The following MAPK10 variants were observed in gnomAD, a reference collection of about 807,000 sequenced individuals.
The protein encoded by MAPK10 is JNK3 alpha protein kinase.
In MAPK10, 25 loss-of-function variants were observed where a neutral mutation model predicts 59.3. The ratio of observed to expected loss-of-function variants is 0.42; its 90% CI spans 0.31 to 0.59. The LOEUF is 0.59. Ranked by LOEUF, MAPK10 falls within the 20% of genes least tolerant of loss-of-function variation. MAPK10 has a pLI of 0.15. For missense variants in MAPK10, 351 were observed against 568.9 expected (o/e 0.62, Z 3.90); for synonymous variants, 190 against 200.5 (o/e 0.95, Z 0.44).
intron 2 of MAPK10, among the ~76,000 whole-genome samples, chr4:86,296,021 T>C (rs1289972912): frequency 6.6e-6 from 1 of 150,628 alleles, no homozygotes; most frequent in Non-Finnish European, 1.5e-5. Flanking sequence ...ACTGAAAATA[T>C]AAAAATTAGC....
At chr4:86,150,491 G>A (rs1293778704) in intron 4 of MAPK10, among the ~76,000 whole-genome samples, 1 of 152,144 alleles carries the variant, frequency 6.6e-6, no homozygotes, top group Admixed American at 6.5e-5. Context: ...TGAAAAAGAA[G>A]CCAATGGATT....
rs2089994332 is a variant in MAPK10 at position 86,223,240 on chromosome 4, G to A, written c.-6-28833C>T. 2.0e-5 allele frequency among the ~76,000 whole-genome samples: 3 copies of A among 152,106 alleles called. No homozygotes were observed. In the South Asian group the frequency reaches 6.2e-4, roughly 32 times the overall value. On this transcript the variant is annotated intron_variant, in intron 2 of 13. Coordinates refer to ENST00000641462, the MANE Select transcript of MAPK10 (RefSeq NM_138982.4). ...CCCCCTTTTACAACAGAAGCCTCTAGAATCTGCCCAAATTTGCAGTACAGC... is the reference window on the plus strand; with the variant it reads ...CCCCCTTTTACAACAGAAGCCTCTAAAATCTGCCCAAATTTGCAGTACAGC...
intron 1 of MAPK10, among the ~76,000 whole-genome samples, chr4:86,572,060 T>A (rs1026614945): frequency 3.3e-5 from 5 of 152,176 alleles, no homozygotes; most frequent in Non-Finnish European, 7.4e-5. Flanking sequence ...ATTTAACTCC[T>A]ATGTAGGATC....
intron 2 of MAPK10, among the ~76,000 whole-genome samples, chr4:86,224,821 G>A (rs888374855): frequency 1.3e-5 from 2 of 152,116 alleles, no homozygotes; most frequent in African/African-American, 4.8e-5. Context: ...TGAAATGGAA[G>A]TATAAAAATA....
chr4:86,360,318 A>C (rs1191145390), upstream of MAPK10: 5 of 421,916 alleles, frequency 1.2e-5, no homozygotes, highest in African/African-American at 2.2e-5. Flanking sequence ...CCTGAAGAAA[A>C]GATCCATTCG....
chr4:86,195,961 T>A (rs1319822645), intron 2 of MAPK10, among the ~76,000 whole-genome samples: 1 of 152,254 alleles, frequency 6.6e-6, no homozygotes, highest in Non-Finnish European at 1.5e-5. Flanking sequence ...CTTCATCTAG[T>A]CTATCACTGA....
chr4:86,105,864 T>C (rs1202497478), intron 5 of MAPK10, among the ~76,000 whole-genome samples: 1 of 152,144 alleles, frequency 6.6e-6, no homozygotes, highest in African/African-American at 2.4e-5. Context: ...GCTTGGCCTA[T>C]TTAAAAGGGT....
chr4:86,280,397 A>G (rs911965808), intron 2 of MAPK10, among the ~76,000 whole-genome samples: 2 of 152,184 alleles, frequency 1.3e-5, no homozygotes, highest in Non-Finnish European at 2.9e-5. Context: ...CAAAACCACA[A>G]TAAGATACTA....
At chr4:86,325,080 T>C (rs2095992736) in intron 2 of MAPK10, among the ~76,000 whole-genome samples, 1 of 152,218 alleles carries the variant, frequency 6.6e-6, no homozygotes, top group Non-Finnish European at 1.5e-5. Context: ...CTCTCTGTTA[T>C]AAATTTAATT....
chr4:86,135,373 T>G (rs1439638006), intron 4 of MAPK10, among the ~76,000 whole-genome samples: 1 of 152,184 alleles, frequency 6.6e-6, no homozygotes, highest in Non-Finnish European at 1.5e-5. Context: ...AGTGGGTCCC[T>G]GACCCCTGAC....
In MAPK10 at chr4:86,098,653, T is replaced by A. The variant is rs1181770552; in HGVS notation, c.731-58A>T. ...GGGAGGAAAGTAAAGTTAACTAAGA[T>A]AATTGACTTCTGAAGGAGGAGGAAA... On this transcript the variant is annotated intron_variant, in intron 8 of 13. Coordinates refer to ENST00000641462, the MANE Select transcript of MAPK10 (RefSeq NM_138982.4). 3.8e-6 allele frequency: 5 copies of A among 1,316,094 alleles called. No individual in the cohort carries two copies. In the African/African-American group the frequency reaches 7.3e-5, roughly 19 times the overall value. 81.5% of individuals were successfully genotyped at this position (1,316,094 alleles called of 1,614,324 possible). A position where few individuals can be genotyped will look rare whatever the true frequency, so the allele number is the denominator to read the frequency against.
intron 1 of MAPK10, among the ~76,000 whole-genome samples, chr4:86,543,603 G>A (rs1758902188): frequency 6.6e-6 from 1 of 152,146 alleles, no homozygotes. Context: ...GGAACAGACT[G>A]GGTAATCTAT....
chr4:86,021,583 T>C (rs1746906995), intron 13 of MAPK10, among the ~76,000 whole-genome samples: 2 of 152,266 alleles, frequency 1.3e-5, no homozygotes, highest in Admixed American at 1.3e-4. Context: ...TGGAGCTGCC[T>C]GCCAGTCCTG....
At chr4:86,360,440 C>T (rs1327380953), upstream of MAPK10, among the ~76,000 whole-genome samples, 9 of 152,172 alleles carry the variant, frequency 5.9e-5, no homozygotes, top group Admixed American at 5.9e-4. Flanking sequence ...TATCTCTAAA[C>T]GTCAAACAAG....
chr4:86,135,894 G>A (rs2061959880), intron 4 of MAPK10, among the ~76,000 whole-genome samples: 1 of 152,162 alleles, frequency 6.6e-6, no homozygotes, highest in South Asian at 2.1e-4. Context: ...GAATGCAGAA[G>A]CCTCAGGAGC....
intron 1 of MAPK10, among the ~76,000 whole-genome samples, chr4:86,539,816 G>C (rs1268125131): frequency 6.6e-6 from 1 of 152,108 alleles, no homozygotes; most frequent in Non-Finnish European, 1.5e-5. Flanking sequence ...AGAATAAGAG[G>C]CATATAGAAA....
At chr4:86,114,909 A>C (rs1486686369) in intron 4 of MAPK10, among the ~76,000 whole-genome samples, 1 of 152,190 alleles carries the variant, frequency 6.6e-6, no homozygotes, top group Non-Finnish European at 1.5e-5. Context: ...GTGAGGAGGG[A>C]TGGATCCAGG....
intron 1 of MAPK10, among the ~76,000 whole-genome samples, chr4:86,468,656 T>C (rs1193669946): frequency 6.6e-6 from 1 of 151,996 alleles, no homozygotes; most frequent in Non-Finnish European, 1.5e-5. Context: ...GAGTTTGGGA[T>C]CAGCCTGGTC....
intron 1 of MAPK10, among the ~76,000 whole-genome samples, chr4:86,525,461 C>T (rs1176145790): frequency 6.6e-6 from 1 of 152,130 alleles, no homozygotes; most frequent in African/African-American, 2.4e-5. Flanking sequence ...TTTAACCCCA[C>T]CCACACCCTA....
Sources: gnomAD v4.1 joint callset for allele counts (sites outside exome capture counted in the v4.1 genomes callset) on GRCh38, gnomAD v4.1.1 for gene constraint, MANE v1.5 for transcripts, NCBI Gene and HGNC (gene_info 2026-07-23, HGNC 2026-07-21) for gene names.